The following CDC42BPA variants were observed in gnomAD, a reference collection of about 807,000 sequenced individuals.
CDC42BPA encodes the protein serine/threonine-protein kinase MRCK alpha.
Under a neutral mutation model 223.5 loss-of-function variants are expected in CDC42BPA, and 80 were observed. The observed-to-expected ratio is 0.36, with a 90% CI of 0.30 to 0.43. The LOEUF (loss-of-function observed/expected upper bound fraction) is 0.43, where lower values mean the gene tolerates loss of function less well. Among genes scored for constraint, CDC42BPA ranks in the 20% least tolerant of loss-of-function variants. The pLI is 1.00. For missense variants in CDC42BPA, 1,743 were observed against 2,099.9 expected (o/e 0.83, Z 3.32); for synonymous variants, 694 against 718.6 (o/e 0.97, Z 0.55).
chr1:227,157,820 C>T (rs1261194993), intron 6 of CDC42BPA, among the ~76,000 whole-genome samples: 1 of 152,100 alleles, frequency 6.6e-6, no homozygotes, highest in Non-Finnish European at 1.5e-5. Flanking sequence ...TTAACCTCAT[C>T]CAGTGAATTT....
chr1:227,073,484 C>T (rs925875793), intron 19 of CDC42BPA, among the ~76,000 whole-genome samples: 9 of 151,932 alleles, frequency 5.9e-5, no homozygotes, highest in African/African-American at 2.4e-5. Flanking sequence ...ATGGTAGAGG[C>T]CACAATTTTC....
In CDC42BPA at chr1:227,238,927, C is replaced by T. The variant is rs1442962016; in HGVS notation, c.270+15137G>A. Among the ~76,000 whole-genome samples the T allele has an allele frequency of 2.6e-5, 4 of 152,158 alleles. No homozygotes were observed. In the East Asian group the frequency reaches 7.7e-4, roughly 29 times the overall value. The stretch of plus-strand genomic sequence containing the variant: ...TCTTCTCAGCACTGACAGAACTAAA[C>T]AAAAATTAGGAAATTATGGAAGAGC... On this transcript the variant is annotated intron_variant, in intron 2 of 36. Transcript: ENST00000366766.
At position 227,260,766 on chromosome 1, in the gene CDC42BPA, C is replaced by T. The variant is rs547797513; in HGVS notation, c.179-6611G>A. 5.9e-4 allele frequency among the ~76,000 whole-genome samples: 89 copies of T among 151,090 alleles called. 6 individuals are homozygous for T. The highest frequency in any genetic ancestry group is 2.2e-3 in the African/African-American group (87 of 40,418). ...TTTCTCCAGTGGGTTTCCATTCTAC[C>T]ATTCTTCTTCTCCCTTATCTGCAAT... On this transcript the variant is annotated intron_variant, in intron 1 of 36. Coordinates refer to ENST00000366766, the MANE Select transcript of CDC42BPA (RefSeq NM_001394014.1).
intron 5 of CDC42BPA, among the ~76,000 whole-genome samples, chr1:227,164,233 C>T (rs572359023): frequency 2.0e-5 from 3 of 152,190 alleles, no homozygotes; most frequent in Non-Finnish European, 2.9e-5. Flanking sequence ...AGCTTCCTAT[C>T]GGCAGAGCAT....
Position 227,160,525 on chromosome 1 carries a change from G to C in CDC42BPA, c.693+18C>G. The C allele has an allele frequency of 6.9e-7, 1 of 1,446,870 alleles. No homozygotes were observed. The highest frequency in any genetic ancestry group is 9.7e-7 in the Non-Finnish European group (1 of 1,028,586). 89.6% of individuals were successfully genotyped at this position (1,446,870 alleles called of 1,614,324 possible). ...AAATGTCTGTGAACAAAATAATTTA[G>C]GATTTATCTTTATTTACCGTTCCAT... On this transcript the variant is annotated intron_variant, in intron 6 of 36. Transcript: ENST00000366766.
intron 6 of CDC42BPA, among the ~76,000 whole-genome samples, chr1:227,152,022 C>CTAAAA (rs1368334050): frequency 6.6e-6 from 1 of 151,866 alleles, no homozygotes; most frequent in Non-Finnish European, 1.5e-5. Flanking sequence ...GACTCTGTCT[C>CTAAAA]TAAAATAAAA....
At chr1:227,185,398 C>T (rs2150075994) in intron 5 of CDC42BPA, among the ~76,000 whole-genome samples, 1 of 152,270 alleles carries the variant, frequency 6.6e-6, no homozygotes, top group Admixed American at 6.5e-5. Context: ...TGCCCTTGCC[C>T]CCACATGTGC....
At chr1:227,216,690 T>C (rs969816777) in intron 2 of CDC42BPA, among the ~76,000 whole-genome samples, 1 of 152,220 alleles carries the variant, frequency 6.6e-6, no homozygotes, top group Non-Finnish European at 1.5e-5. Flanking sequence ...TCAGGTCCTG[T>C]ATTTTCAAGA....
At chr1:227,030,832 A>C (rs1326689044) in intron 28 of CDC42BPA, among the ~76,000 whole-genome samples, 2 of 152,196 alleles carry the variant, frequency 1.3e-5, no homozygotes. Context: ...AAAGAGTTAG[A>C]TGCATACACA....
chr1:227,208,363 G>C (rs1217336548), intron 3 of CDC42BPA, among the ~76,000 whole-genome samples: 1 of 137,036 alleles, frequency 7.3e-6, no homozygotes, highest in African/African-American at 2.7e-5. Flanking sequence ...AGTTTAATTA[G>C]ATCCCATTTG....
intron 4 of CDC42BPA, among the ~76,000 whole-genome samples, chr1:227,194,153 GAAC>G (rs1558726955): frequency 2.0e-5 from 3 of 152,108 alleles, no homozygotes; most frequent in Non-Finnish European, 2.9e-5. Flanking sequence ...CTGGGGCAGA[GAAC>G]AACACAGGGT....
chr1:227,061,029 T>A (rs1675818412), intron 21 of CDC42BPA, among the ~76,000 whole-genome samples: 1 of 152,068 alleles, frequency 6.6e-6, no homozygotes, highest in Non-Finnish European at 1.5e-5. Context: ...CCAGAAATAT[T>A]CTTTCTTTCC....
intron 21 of CDC42BPA, among the ~76,000 whole-genome samples, chr1:227,060,025 T>G (rs968971810): frequency 3.9e-5 from 3 of 77,116 alleles, no homozygotes; most frequent in East Asian, 3.1e-4. Context: ...AAAAAGTTTT[T>G]TTTTGTTTTT....
intron 15 of CDC42BPA, 28 bp downstream of exon 15, chr1:227,100,964 A>C: frequency 1.5e-6 from 2 of 1,317,326 alleles, no homozygotes; most frequent in Non-Finnish European, 2.1e-6. Context: ...GTAAGTATTT[A>C]CTGTATAGTA....
chr1:227,074,527 G>A (rs1282855385), intron 17 of CDC42BPA, among the ~76,000 whole-genome samples, 163 bp from the exon 18 acceptor site: 1 of 152,126 alleles, frequency 6.6e-6, no homozygotes, highest in Non-Finnish European at 1.5e-5. Flanking sequence ...GTCAACAACT[G>A]GGAAGAGGTT....
At chr1:227,298,937 T>C (rs1459018351) in intron 1 of CDC42BPA, among the ~76,000 whole-genome samples, 7 of 152,232 alleles carry the variant, frequency 4.6e-5, no homozygotes, top group African/African-American at 1.4e-4. Flanking sequence ...GAATCATATA[T>C]AGCTCTTTAC....
chr1:227,148,771 GCAAAAAAA>G (rs1408401170), intron 6 of CDC42BPA, among the ~76,000 whole-genome samples: 7 of 7,724 alleles, frequency 9.1e-4, no homozygotes, highest in African/African-American at 5.2e-3. Context: ...GGTCTCAAAA[GCAAAAAAA>G]AAAAAAAAAA....
intron 1 of CDC42BPA, among the ~76,000 whole-genome samples, chr1:227,284,127 CT>C (rs1688446840): frequency 1.3e-5 from 2 of 152,148 alleles, no homozygotes; most frequent in African/African-American, 4.8e-5. Context: ...AAACCATAAA[CT>C]ATCTTCTATT....
intron 10 of CDC42BPA, among the ~76,000 whole-genome samples, chr1:227,134,524 C>T (rs546236088): frequency 6.6e-6 from 1 of 152,254 alleles, no homozygotes; most frequent in South Asian, 2.1e-4. Flanking sequence ...CAGTGGATGA[C>T]CCTACTTTGT....
Sources: gnomAD v4.1 joint callset for allele counts (sites outside exome capture counted in the v4.1 genomes callset) on GRCh38, gnomAD v4.1.1 for gene constraint, MANE v1.5 for transcripts, NCBI Gene and HGNC (gene_info 2026-07-23, HGNC 2026-07-21) for gene names.